The following GP6 variants were observed in gnomAD, a reference collection of about 807,000 sequenced individuals.
GP6 encodes the protein platelet glycoprotein VI.
Under a neutral mutation model 37.3 loss-of-function variants are expected in GP6, and 45 were observed. That is an observed-to-expected ratio of 1.21 (90% CI 0.95 to 1.55). The LOEUF (loss-of-function observed/expected upper bound fraction) is 1.55, where lower values mean the gene tolerates loss of function less well. GP6 is among the 40% of genes most tolerant of loss of function. The pLI, the probability that GP6 is intolerant of heterozygous loss-of-function variation, is 0.00. For synonymous variants in GP6, 340 were observed against 316.4 expected (o/e 1.07, Z -0.79); for missense variants, 813 against 760.2 (o/e 1.07, Z -0.82).
chr19:55,029,347 TA>T (rs2074452524), intron 3 of GP6, among the ~76,000 whole-genome samples: 2 of 4,766 alleles, frequency 4.2e-4, no homozygotes, highest in African/African-American at 8.8e-4. Context: ...TATATATATA[TA>T]TATATATATA....
chr19:55,023,799 C>T (rs955633446), intron 5 of GP6, among the ~76,000 whole-genome samples: 1 of 152,132 alleles, frequency 6.6e-6, no homozygotes, highest in African/African-American at 2.4e-5. Flanking sequence ...TTGGATGGGC[C>T]TCAGGGGCAT....
chr19:55,027,259 T>G (rs1483972194), intron 4 of GP6, among the ~76,000 whole-genome samples: 1 of 25,340 alleles, frequency 3.9e-5, no homozygotes, highest in African/African-American at 1.3e-4. Context: ...AGCCCAGGGC[T>G]TCCTGCCCTC....
chr19:55,021,161 C>G (rs896171661), intron 5 of GP6, among the ~76,000 whole-genome samples: 20 of 148,086 alleles, frequency 1.4e-4, no homozygotes, highest in Non-Finnish European at 2.1e-4. Flanking sequence ...AAGTTTGAGA[C>G]CAGCATGACC....
intron 3 of GP6, among the ~76,000 whole-genome samples, chr19:55,030,623 G>T (rs541641246): frequency 6.6e-6 from 1 of 151,744 alleles, no homozygotes; most frequent in East Asian, 1.9e-4. Flanking sequence ...GATTACAGGC[G>T]TGAGCCGCCG....
At chr19:55,034,758 T>C (rs1204731554) in intron 1 of GP6, among the ~76,000 whole-genome samples, 1 of 147,864 alleles carries the variant, frequency 6.8e-6, no homozygotes, top group Non-Finnish European at 1.5e-5. Flanking sequence ...GGCGGGATAG[T>C]TGTCATTCCC....
At chr19:55,029,097 AAAG>A (rs1568627267) in intron 3 of GP6, among the ~76,000 whole-genome samples, 145 of 148,202 alleles carry the variant, frequency 9.8e-4, no homozygotes, top group Middle Eastern at 3.4e-3. Context: ...AAAAAGAAAG[AAAG>A]AGGAAGGAAG....
chr19:55,024,628 C>CA (rs1290524305), intron 5 of GP6, among the ~76,000 whole-genome samples: 2 of 152,184 alleles, frequency 1.3e-5, no homozygotes, highest in African/African-American at 4.8e-5. Context: ...GAGGGGATAA[C>CA]ACGCCTCACA....
intron 5 of GP6, among the ~76,000 whole-genome samples, chr19:55,024,576 T>C (rs2074234543): frequency 6.6e-6 from 1 of 152,162 alleles, no homozygotes; most frequent in Admixed American, 6.5e-5. Context: ...GTGCAGGCCG[T>C]AGTCTGGTAC....
chr19:55,014,271 T>G lies in GP6; in HGVS notation c.1674A>C (p.Lys558Asn). The G allele has an allele frequency of 1.2e-5, 15 of 1,223,572 alleles. No individual in the cohort carries two copies. The highest frequency in any genetic ancestry group is 2.3e-5 in the East Asian group (1 of 43,078). The allele number at this position is 1,223,572 out of a possible 1,614,324, so 75.8% of individuals were successfully genotyped here. A position where few individuals can be genotyped will look rare whatever the true frequency, so the allele number is the denominator to read the frequency against. The stretch of plus-strand genomic sequence containing the variant: ...GGGATGCACCACCACACCTGGCTAA[T>G]TTTTGTGTTTTTTTGTTTTGTTGGT... Residue 558 changes from lysine (K) to asparagine (N), a missense_variant, in exon 8 of 8, where the codon AAA (lysine) becomes AAC (asparagine). Lys to Asn is a moderately conservative substitution (Grantham distance 94, BLOSUM62 0). Coordinates refer to ENST00000310373, the MANE Select transcript of GP6 (RefSeq NM_001083899.2).
intron 3 of GP6, among the ~76,000 whole-genome samples, chr19:55,028,292 T>C (rs1017245036): frequency 2.0e-5 from 3 of 152,236 alleles, no homozygotes; most frequent in Non-Finnish European, 2.9e-5. Context: ...ACGTTGTAAA[T>C]GTGGCTGACA....
At chr19:55,027,992 C>T in intron 3 of GP6, 130 bp from the exon 4 acceptor site, 1 of 861,190 alleles carries the variant, frequency 1.2e-6, no homozygotes, top group Non-Finnish European at 2.0e-6. Flanking sequence ...CGCACTCCCC[C>T]ACCCAAGCTC....
At chr19:55,030,994 G>A (rs1224989808) in intron 3 of GP6, among the ~76,000 whole-genome samples, 1 of 152,026 alleles carries the variant, frequency 6.6e-6, no homozygotes, top group Non-Finnish European at 1.5e-5. Flanking sequence ...GACTATAGGT[G>A]TATGCCACCA....
chr19:55,033,506 AGACACG>A lies in GP6; in HGVS notation c.35-974_35-969del, dbSNP rs1188803542. On this transcript the variant is annotated intron_variant, in intron 1 of 7. Transcript: ENST00000310373. ...ACGGTGGGCTCGTTCGTGTTGTGTT[AGACACG>A]GTGGGCTCGTTTGTGTTGTGTTAGA... Among the ~76,000 whole-genome samples, 152 of 109,302 alleles carry A rather than the reference AGACACG, an allele frequency of 1.4e-3. 1 individual carries two copies. Among genetic ancestry groups the A allele is most frequent in the African/African-American group, 4.9e-3 (145 of 29,560 alleles). 71.7% of individuals were successfully genotyped at this position (109,302 alleles called of 152,430 possible).
intron 1 of GP6, among the ~76,000 whole-genome samples, chr19:55,035,686 C>T (rs1246498466): frequency 6.6e-6 from 1 of 151,496 alleles, no homozygotes; most frequent in Non-Finnish European, 1.5e-5. Context: ...CACTGCGCTC[C>T]AGTCTGGGCA....
intron 1 of GP6, among the ~76,000 whole-genome samples, chr19:55,036,904 G>C (rs986892586): frequency 2.0e-5 from 3 of 152,050 alleles, no homozygotes; most frequent in South Asian, 2.1e-4. Flanking sequence ...CCAACTATTC[G>C]GGAGGCTGAG....
chr19:55,022,097 T>A (rs1036312769), intron 5 of GP6, among the ~76,000 whole-genome samples: 2 of 152,146 alleles, frequency 1.3e-5, no homozygotes, highest in Non-Finnish European at 2.9e-5. Context: ...ATTCTGTAGG[T>A]TGTCTGTTCA....
chr19:55,024,850 G>T (rs1309276592), intron 5 of GP6, among the ~76,000 whole-genome samples: 1 of 151,880 alleles, frequency 6.6e-6, no homozygotes, highest in Non-Finnish European at 1.5e-5. Flanking sequence ...CAGTGACTCA[G>T]AAACAGAGTC....
At chr19:55,034,641 G>GAA (rs201963263) in intron 1 of GP6, among the ~76,000 whole-genome samples, 1 of 149,708 alleles carries the variant, frequency 6.7e-6, no homozygotes, top group Non-Finnish European at 1.5e-5. Context: ...AGAGGAGGAG[G>GAA]AAAAAAAAAG....
chr19:55,015,530 C>A (rs2073841256), intron 7 of GP6, 153 bp downstream of exon 7: 1 of 677,660 alleles, frequency 1.5e-6, no homozygotes, highest in African/African-American at 1.8e-5. Context: ...ATCTTAATGC[C>A]CAATTCTGAA....
Sources: gnomAD v4.1 joint callset for allele counts (sites outside exome capture counted in the v4.1 genomes callset) on GRCh38, gnomAD v4.1.1 for gene constraint, MANE v1.5 for transcripts, NCBI Gene and HGNC (gene_info 2026-07-23, HGNC 2026-07-21) for gene names.